The following ZBTB20 variants were observed in gnomAD, a reference collection of about 807,000 sequenced individuals.
ZBTB20 encodes the protein zinc finger and BTB domain containing 20, also known as zinc finger and BTB domain-containing protein 20.
ZBTB20 carries 9 observed loss-of-function variants against 56.9 expected under a neutral mutation model. The ratio of observed to expected loss-of-function variants is 0.16; its 90% CI spans 0.10 to 0.28. The LOEUF (loss-of-function observed/expected upper bound fraction) is 0.28. ZBTB20 is among the 10% of genes least tolerant of loss of function. ZBTB20 has a pLI of 1.00. For missense variants in ZBTB20, 655 were observed against 1,003.0 expected (o/e 0.65, Z 4.69); for synonymous variants, 417 against 420.7 (o/e 0.99, Z 0.11).
intron 5 of ZBTB20, among the ~76,000 whole-genome samples, chr3:114,795,855 T>G (rs535095040): frequency 4.6e-5 from 7 of 152,240 alleles, no homozygotes; most frequent in Non-Finnish European, 8.8e-5. Flanking sequence ...GAATCAATGA[T>G]TCTATTGTGG....
chr3:114,348,668 G>A (rs1199214173), intron 11 of ZBTB20, among the ~76,000 whole-genome samples: 4 of 152,180 alleles, frequency 2.6e-5, no homozygotes, highest in Non-Finnish European at 5.9e-5. Context: ...AGAAGGCAAA[G>A]TTCATCTTAA....
Position 114,456,916 on chromosome 3 carries a change from G to A in ZBTB20, c.-255+43436C>T, listed in dbSNP as rs189460956. Among the ~76,000 whole-genome samples, 429 of 152,362 alleles carry A rather than the reference G, an allele frequency of 2.8e-3. 3 individuals carry two copies. The highest frequency in any genetic ancestry group is 6.8e-3 in the South Asian group (33 of 4,834). On this transcript the variant is annotated intron_variant, in intron 7 of 11. Transcript: ENST00000675478. Reference sequence around the variant, plus strand: ...GAAAACCGAAAGAAATGTCAGGCACGTGGGAGCCCACTCAAAGACAAGTAA... The same window carrying A: ...GAAAACCGAAAGAAATGTCAGGCACATGGGAGCCCACTCAAAGACAAGTAA...
chr3:114,803,134 C>CT (rs554074169), intron 4 of ZBTB20, among the ~76,000 whole-genome samples: 100 of 142,162 alleles, frequency 7.0e-4, no homozygotes, highest in Non-Finnish European at 7.6e-4. Flanking sequence ...CTTTTTCCTT[C>CT]TTTTTTTTTT....
chr3:114,429,890 T>C (rs1487279831), intron 7 of ZBTB20, among the ~76,000 whole-genome samples: 1 of 152,152 alleles, frequency 6.6e-6, no homozygotes, highest in East Asian at 1.9e-4. Context: ...CATTTTATAT[T>C]AGGGACTTGA....
intron 4 of ZBTB20, among the ~76,000 whole-genome samples, chr3:114,859,028 G>C (rs187178726): frequency 6.6e-6 from 1 of 152,198 alleles, no homozygotes. Context: ...ATTGCATTTA[G>C]TTAATGCATC....
chr3:115,019,422 T>C (rs2080114394), intron 2 of ZBTB20, among the ~76,000 whole-genome samples: 1 of 151,268 alleles, frequency 6.6e-6, no homozygotes, highest in Admixed American at 6.6e-5. Context: ...CAGGGCTCCC[T>C]GAAGAATTTA....
intron 4 of ZBTB20, among the ~76,000 whole-genome samples, chr3:114,846,913 T>C (rs2074732694): frequency 1.3e-5 from 2 of 152,188 alleles, no homozygotes; most frequent in Admixed American, 1.3e-4. Flanking sequence ...TTAGACTGAA[T>C]ATGAGATTAC....
At chr3:114,863,561 G>A (rs2075632184) in intron 4 of ZBTB20, among the ~76,000 whole-genome samples, 1 of 152,078 alleles carries the variant, frequency 6.6e-6, no homozygotes, top group South Asian at 2.1e-4. Context: ...TGCTTCCAGG[G>A]CTAATGACCT....
chr3:114,685,575 T>C (rs1025084326), intron 6 of ZBTB20, among the ~76,000 whole-genome samples: 5 of 152,160 alleles, frequency 3.3e-5, no homozygotes, highest in Non-Finnish European at 5.9e-5. Flanking sequence ...TGGATCCCAC[T>C]TGCTGTCTTG....
chr3:114,799,006 G>C (rs564702880), intron 5 of ZBTB20, among the ~76,000 whole-genome samples: 2 of 151,906 alleles, frequency 1.3e-5, no homozygotes, highest in African/African-American at 4.8e-5. Context: ...AAACAACTTA[G>C]AAGGTGTCAA....
At chr3:114,593,356 G>A (rs904743802) in intron 6 of ZBTB20, among the ~76,000 whole-genome samples, 1 of 151,484 alleles carries the variant, frequency 6.6e-6, no homozygotes, top group Non-Finnish European at 1.5e-5. Flanking sequence ...AGGGGAGAGG[G>A]AGAGATTTTT....
chr3:114,486,727 A>G lies in ZBTB20; in HGVS notation c.-255+13625T>C, dbSNP rs543089181. Among the ~76,000 whole-genome samples, 41 of 152,316 alleles carry G rather than the reference A, an allele frequency of 2.7e-4. No individual in the cohort carries two copies. The East Asian group carries it at 3.3e-3, about 12-fold the overall frequency. ...CACACGGTTCTCTCATTCAAAGTAC[A>G]AGGTTAATTTTAAATTAGAGGTGAG... On this transcript the variant is annotated intron_variant, in intron 7 of 11. Transcript: ENST00000675478.
rs531325261 is a variant in ZBTB20 at position 115,069,271 on chromosome 3, AAC to A, written c.-507+1946_-507+1947del. Among the ~76,000 whole-genome samples the A allele has an allele frequency of 7.0e-4, 106 of 152,278 alleles. 1 individual carries two copies. The highest frequency in any genetic ancestry group is 7.9e-4 in the Admixed American group (12 of 15,264). Reference sequence around the variant, plus strand: ...ACCACACAACTATTCTAGCTTAGCTAACAGTCTTTTTTGTCACGACTTTTGTT... The same window carrying A: ...ACCACACAACTATTCTAGCTTAGCTAAGTCTTTTTTGTCACGACTTTTGTT... On this transcript the variant is annotated intron_variant, in intron 2 of 11. Coordinates refer to ENST00000675478, the MANE Select transcript of ZBTB20 (RefSeq NM_001348800.3).
chr3:115,106,204 T>C (rs1381740237), intron 1 of ZBTB20, among the ~76,000 whole-genome samples: 1 of 151,714 alleles, frequency 6.6e-6, no homozygotes, highest in Non-Finnish European at 1.5e-5. Context: ...ATAAAGTTAA[T>C]TGTAAGTGGC....
At chr3:114,606,093 G>A (rs1178617056) in intron 6 of ZBTB20, among the ~76,000 whole-genome samples, 8 of 152,194 alleles carry the variant, frequency 5.3e-5, no homozygotes, top group Non-Finnish European at 1.2e-4. Flanking sequence ...CCTATTTTAA[G>A]GAATGGTTAA....
In ZBTB20 at chr3:114,830,588, T is replaced by C. The variant is rs552607905; in HGVS notation, c.-416-29414A>G. On this transcript the variant is annotated intron_variant, in intron 4 of 11. Transcript: ENST00000675478. ...GCACAGTGCTAGGCATTTTAGATAA[T>C]GATCTTATTTACTCCTCCTCACCAC... Among the ~76,000 whole-genome samples, 3 of 152,072 alleles carry C rather than the reference T, an allele frequency of 2.0e-5. No individual in the cohort carries two copies. In the South Asian group the frequency reaches 6.2e-4, roughly 32 times the overall value.
chr3:114,945,995 C>A (rs941873980), intron 3 of ZBTB20, among the ~76,000 whole-genome samples: 6 of 145,212 alleles, frequency 4.1e-5, no homozygotes, highest in Non-Finnish European at 4.5e-5. Context: ...TTTGTACAAA[C>A]CAATAACATA....
chr3:114,709,950 T>C (rs2063955010), intron 5 of ZBTB20, among the ~76,000 whole-genome samples: 1 of 152,174 alleles, frequency 6.6e-6, no homozygotes, highest in South Asian at 2.1e-4. Context: ...TGCTCCTTAC[T>C]ACCTGTTTAA....
At chr3:115,006,169 C>T (rs1337909210) in intron 2 of ZBTB20, among the ~76,000 whole-genome samples, 2 of 151,690 alleles carry the variant, frequency 1.3e-5, no homozygotes, top group East Asian at 3.9e-4. Context: ...AAATGGTCAC[C>T]CTCTGATTCT....
Sources: gnomAD v4.1 joint callset for allele counts (sites outside exome capture counted in the v4.1 genomes callset) on GRCh38, gnomAD v4.1.1 for gene constraint, MANE v1.5 for transcripts, NCBI Gene and HGNC (gene_info 2026-07-23, HGNC 2026-07-21) for gene names.